DNAH7: variants seen among roughly 807,000 people sequenced by gnomAD.
DNAH7 encodes dynein axonemal heavy chain 7.
Under a neutral mutation model 444.6 loss-of-function variants are expected in DNAH7, and 397 were observed. That is an observed-to-expected ratio of 0.89 (90% CI 0.82 to 0.97). The LOEUF is 0.97. Ranked by LOEUF, DNAH7 falls within the 50% of genes least tolerant of loss-of-function variation. DNAH7 has a pLI of 0.00. For missense variants in DNAH7, 4,902 were observed against 4,800.8 expected (o/e 1.02, Z -0.62); for synonymous variants, 1,636 against 1,624.4 (o/e 1.01, Z -0.17).
Position 196,000,786 on chromosome 2 carries a change from T to C in DNAH7, c.1271A>G (p.Asp424Gly). 6.2e-7 allele frequency: 1 copy of C among 1,607,046 alleles called. No homozygotes were observed. The highest frequency in any genetic ancestry group is 8.5e-7 in the Non-Finnish European group (1 of 1,176,160). The change falls in exon 12 of 65, where the codon GAT becomes GGT. Residue 424 changes from aspartate to glycine, a missense_variant. Asp to Gly is a moderately conservative substitution (Grantham distance 94). Coordinates refer to ENST00000312428, the MANE Select transcript of DNAH7 (RefSeq NM_018897.3). The stretch of plus-strand genomic sequence containing the variant: ...GACGTCATAAACATTTAGAAAGATA[T>C]CTATATAGTCACTCAACTCAGGTTC... Reference protein sequence around the residue: ...KFEPELSDYIDIFLNVYDVMI... With the variant: ...KFEPELSDYIGIFLNVYDVMI...
Position 195,737,912 on chromosome 2 carries a change from G to GTCT in DNAH7, c.*6_*8dup, listed in dbSNP as rs764301206. ...CAAGAAATAGGAACAAGGAAATGAT[G>GTCT]TCTTCTGGTTATGAATTAAGTTGAC... is the stretch of plus-strand genomic sequence containing the variant. On this transcript the variant is annotated 3_prime_UTR_variant, in exon 65 of 65. Transcript: ENST00000312428. 3.7e-6 allele frequency: 6 copies of GTCT among 1,612,514 alleles called. No homozygotes were observed. Among genetic ancestry groups the GTCT allele is most frequent in the Non-Finnish European group, 5.1e-6 (6 of 1,178,670 alleles).
chr2:195,957,553 T>C (rs1026386238), intron 18 of DNAH7, 106 bp from the exon 19 acceptor site: 3 of 666,010 alleles, frequency 4.5e-6, no homozygotes, highest in East Asian at 3.1e-5. Flanking sequence ...TATAATGTTA[T>C]ACAATTGTTA....
At chr2:195,789,011 AC>A (rs1695751735) in intron 57 of DNAH7, among the ~76,000 whole-genome samples, 1 of 152,088 alleles carries the variant, frequency 6.6e-6, no homozygotes, top group African/African-American at 2.4e-5. Context: ...TAACACCCAA[AC>A]CATGCTCTCT....
intron 35 of DNAH7, among the ~76,000 whole-genome samples, chr2:195,882,977 G>C (rs1701489270): frequency 6.6e-6 from 1 of 152,154 alleles, no homozygotes; most frequent in Non-Finnish European, 1.5e-5. Flanking sequence ...TCAGGTACAA[G>C]GCTGTGCGTA....
Position 195,910,096 on chromosome 2 carries a change from T to C in DNAH7, c.4035A>G (p.Val1345=), listed in dbSNP as rs553093975. 1 of 1,613,998 alleles carries C rather than the reference T, an allele frequency of 6.2e-7. No homozygotes were observed. The highest frequency in any genetic ancestry group is 1.1e-5 in the South Asian group (1 of 91,070). Residue 1345 remains valine (V), a synonymous_variant, in exon 25 of 65, where the codon GTA becomes GTG. Transcript: ENST00000312428. ...TETTKDLAKA[V]AKQCVVFNCS... ...AGTTGAAAACAACACATTGTTTGGC[T>C]ACAGCTTTTGCCAAATCCTTGGTAG...
In DNAH7 at chr2:195,816,597, G is replaced by C. The variant is rs377669357; in HGVS notation, c.9761+31C>G. The C allele has an allele frequency of 2.0e-6, 3 of 1,491,442 alleles. No homozygotes were observed. The African/African-American group carries it at 4.2e-5, about 21-fold the overall frequency. 92.4% of individuals were successfully genotyped at this position (1,491,442 alleles called of 1,614,324 possible). On this transcript the variant is annotated intron_variant, in intron 51 of 64. Coordinates refer to ENST00000312428, the MANE Select transcript of DNAH7 (RefSeq NM_018897.3). ...ACTCTCTGATTTCATGCATTAATTA[G>C]TTAATATTAACTAGTATTTCCTTTA... is the stretch of plus-strand genomic sequence containing the variant.
Position 195,737,856 on chromosome 2 carries a change from T to TAAA in DNAH7, c.*62_*64dup, listed in dbSNP as rs2105862962. 1.1e-6 allele frequency: 1 copy of TAAA among 889,640 alleles called. No homozygotes were observed. The highest frequency in any genetic ancestry group is 1.7e-6 in the Non-Finnish European group (1 of 580,950). 55.1% of individuals were successfully genotyped at this position (889,640 alleles called of 1,614,324 possible). ...CAAACAAAAAAAAAGGTTTAAGTAG[T>TAAA]AAAATATGCTTTCTCTACTCAGCCA... On this transcript the variant is annotated 3_prime_UTR_variant, in exon 65 of 65. Transcript: ENST00000312428.
At chr2:196,038,121 G>GA (rs957504555) in intron 5 of DNAH7, among the ~76,000 whole-genome samples, 117 of 146,828 alleles carry the variant, frequency 8.0e-4, no homozygotes, top group Non-Finnish European at 1.4e-3. Context: ...AGTGCTAAAA[G>GA]AAAAAAAAAA....
At chr2:195,754,308 G>T in intron 63 of DNAH7, 29 bp downstream of exon 63, 1 of 1,598,766 alleles carries the variant, frequency 6.3e-7, no homozygotes, top group South Asian at 1.1e-5. Flanking sequence ...GCCCAGATAT[G>T]AGCCGACTCA....
intron 46 of DNAH7, among the ~76,000 whole-genome samples, chr2:195,847,437 A>G (rs1353873182): frequency 1.3e-5 from 2 of 151,988 alleles, no homozygotes; most frequent in African/African-American, 2.4e-5. Flanking sequence ...TGGGAGCTAA[A>G]TGATGACAAG....
intron 46 of DNAH7, among the ~76,000 whole-genome samples, chr2:195,852,081 A>AC (rs1222761996): frequency 6.6e-6 from 1 of 151,964 alleles, no homozygotes; most frequent in Non-Finnish European, 1.5e-5. Flanking sequence ...ACATGGTGAA[A>AC]CCCCGTCTCT....
Position 195,884,754 on chromosome 2 carries a change from T to A in DNAH7, c.5594A>T (p.Asp1865Val), listed in dbSNP as rs529586034. The change falls in exon 35 of 65, where the codon GAT becomes GTT. Residue 1865 changes from aspartate (D) to valine (V), a missense_variant. Transcript: ENST00000312428. The part of the protein sequence containing the change: ...WSVGASCTDD[D>V]RLKFNKILRE... The stretch of plus-strand genomic sequence containing the variant: ...AAGAATCTTATTAAATTTCAATCGA[T>A]CATCATCTGTACAAGAAGCACCAAC... 5.0e-6 allele frequency: 8 copies of A among 1,614,050 alleles called. No individual in the cohort carries two copies. In the South Asian group the frequency reaches 6.6e-5, roughly 13 times the overall value.
intron 21 of DNAH7, among the ~76,000 whole-genome samples, chr2:195,932,854 C>T (rs529107875): frequency 6.6e-6 from 1 of 152,264 alleles, no homozygotes; most frequent in South Asian, 2.1e-4. Flanking sequence ...CATCGATGTT[C>T]ATCAGGGATA....
intron 24 of DNAH7, among the ~76,000 whole-genome samples, chr2:195,916,850 A>G (rs186831490): frequency 1.5e-3 from 224 of 151,996 alleles, no homozygotes; most frequent in African/African-American, 5.1e-3. Context: ...CCGTAATTCC[A>G]GCACTTCGGG....
Position 195,777,898 on chromosome 2 carries a change from G to T in DNAH7, c.10966C>A (p.Arg3656Ser). 2 of 1,614,152 alleles carry T rather than the reference G, an allele frequency of 1.2e-6. No homozygotes were observed. Among genetic ancestry groups the T allele is most frequent in the Non-Finnish European group, 1.7e-6 (2 of 1,179,996 alleles). ...TTGAAGAATTTGTTTAGAATGCTGC[G>T]CAGCGTGCGCCGGTCCCAGTCATCG... ...VTDDWDRRTLRSILNKFFNPE... is the reference protein window; with the variant it reads ...VTDDWDRRTLSSILNKFFNPE... Residue 3656 changes from arginine (R) to serine (S), a missense_variant, in exon 59 of 65, where the codon CGC becomes AGC. By Grantham distance (110) the Arg-to-Ser change is moderately radical. Coordinates refer to ENST00000312428, the MANE Select transcript of DNAH7 (RefSeq NM_018897.3).
intron 3 of DNAH7, among the ~76,000 whole-genome samples, chr2:196,049,195 C>T (rs1380328288): frequency 2.6e-5 from 4 of 152,112 alleles, no homozygotes; most frequent in Non-Finnish European, 4.4e-5. Flanking sequence ...TCTCTTTCTG[C>T]CTAGTTTTAC....
chr2:195,973,982 C>G (rs1449306794), intron 15 of DNAH7, among the ~76,000 whole-genome samples: 20 of 152,162 alleles, frequency 1.3e-4, no homozygotes, highest in Non-Finnish European at 7.4e-5. Context: ...GAGGCTGAGG[C>G]AGGCGAATTG....
intron 45 of DNAH7, 63 bp downstream of exon 45, chr2:195,855,748 C>G (rs573289253): frequency 1.3e-6 from 2 of 1,567,750 alleles, no homozygotes; most frequent in African/African-American, 2.7e-5. Context: ...TGTGCTAGTA[C>G]GAACATCATT....
chr2:195,870,072 C>T (rs1574620630), intron 40 of DNAH7, among the ~76,000 whole-genome samples: 2 of 152,200 alleles, frequency 1.3e-5, no homozygotes, highest in Non-Finnish European at 2.9e-5. Context: ...TATGTATAAT[C>T]TCAAGTGACA....
Sources: gnomAD v4.1 joint callset for allele counts (sites outside exome capture counted in the v4.1 genomes callset) on GRCh38, gnomAD v4.1.1 for gene constraint, MANE v1.5 for transcripts, NCBI Gene and HGNC (gene_info 2026-07-23, HGNC 2026-07-21) for gene names.